Variants in MAP3K13 observed in about 807,000 individuals in gnomAD.
The protein encoded by MAP3K13 is mitogen-activated protein kinase kinase kinase 13.
A neutral mutation model predicts 104.0 loss-of-function variants in MAP3K13; 52 were observed. The ratio of observed to expected loss-of-function variants is 0.50; its 90% CI spans 0.40 to 0.63. The LOEUF (loss-of-function observed/expected upper bound fraction) is 0.63. Ranked by LOEUF, MAP3K13 falls within the 20% of genes least tolerant of loss-of-function variation. The pLI is 0.00. For synonymous variants in MAP3K13, 394 were observed against 442.2 expected, an observed-to-expected ratio of 0.89 and a Z score of 1.37; for missense variants, 914 against 1,218.5, an observed-to-expected ratio of 0.75 and a Z score of 3.72.
chr3:185,357,306 C>T (rs796434740), intron 2 of MAP3K13, among the ~76,000 whole-genome samples: 22 of 151,568 alleles, frequency 1.5e-4, no homozygotes, highest in African/African-American at 5.1e-4. Flanking sequence ...AAATTAGCTG[C>T]ATGTGGTGGC....
At chr3:185,326,957 T>C (rs182148497) in intron 2 of MAP3K13, among the ~76,000 whole-genome samples, 7 of 152,326 alleles carry the variant, frequency 4.6e-5, no homozygotes, top group Admixed American at 2.6e-4. Flanking sequence ...GAGCTTGAAA[T>C]TAAAGTACCT....
chr3:185,472,879 T>C (rs1251282518), intron 10 of MAP3K13, 96 bp from the exon 11 acceptor site: 5 of 1,154,490 alleles, frequency 4.3e-6, no homozygotes, highest in Non-Finnish European at 6.3e-6. Context: ...TGACTGCTGA[T>C]TCAAAGGCTC....
At chr3:185,302,008 G>A (rs1338120743) in intron 2 of MAP3K13, among the ~76,000 whole-genome samples, 2 of 151,962 alleles carry the variant, frequency 1.3e-5, no homozygotes, top group Non-Finnish European at 2.9e-5. Flanking sequence ...CAAAAATGTT[G>A]TTAGGATTTT....
chr3:185,454,441 GAT>G (rs1226071223), intron 7 of MAP3K13, among the ~76,000 whole-genome samples: 609 of 58,562 alleles, frequency 0.01, 47 homozygotes, highest in African/African-American at 0.035. Context: ...ATATATATGA[GAT>G]ATATATATGA....
At position 185,366,932 on chromosome 3, in the gene MAP3K13, T is replaced by C. The variant is rs559240098; in HGVS notation, c.-86+3564T>C. Among the ~76,000 whole-genome samples the C allele has an allele frequency of 3.6e-3, 551 of 152,342 alleles. 2 individuals carry two copies. Among genetic ancestry groups the C allele is most frequent in the Non-Finnish European group, 6.0e-3 (408 of 68,026 alleles). On this transcript the variant is annotated intron_variant, in intron 1 of 13. Coordinates refer to ENST00000265026, the MANE Select transcript of MAP3K13 (RefSeq NM_004721.5). ...GTTTATGGTATAAAAATTTTTAATT[T>C]TGATGAAGTTCAGTTTTATTTTCTT...
chr3:185,488,237 G>A lies in MAP3K13; in HGVS notation c.*5781G>A, dbSNP rs1718814201. The A allele has an allele frequency of 6.6e-6, 1 of 152,182 alleles. No homozygotes were observed. Among genetic ancestry groups the A allele is most frequent in the Non-Finnish European group, 1.5e-5 (1 of 68,038 alleles). 9.4% of individuals were successfully genotyped at this position (152,182 alleles called of 1,614,324 possible). A position where few individuals can be genotyped will look rare whatever the true frequency, so the allele number is the denominator to read the frequency against. ...GACTTGTACGGTCAGTATGAATTTA[G>A]TGCCTTTCCAGGCAGCAAAATGTTT... On this transcript the variant is annotated 3_prime_UTR_variant, in exon 14 of 14. Coordinates refer to ENST00000265026, the MANE Select transcript of MAP3K13 (RefSeq NM_004721.5).
intron 10 of MAP3K13, among the ~76,000 whole-genome samples, chr3:185,471,064 A>G (rs528348607): frequency 6.6e-6 from 1 of 152,314 alleles, no homozygotes; most frequent in South Asian, 2.1e-4. Flanking sequence ...GTGGATGCTT[A>G]ATGATCTCCC....
Position 185,292,911 on chromosome 3 carries a change from T to C in MAP3K13, c.-86+7268T>C, listed in dbSNP as rs575365154. ...ATATTAGTGATTTGTGAAACTTTTT[T>C]ACTAAAATGTGACCCTCATTTTTCT... On this transcript the variant is annotated intron_variant, in intron 2 of 14. Transcript: ENST00000424227. 4.9e-5 allele frequency: 48 copies of C among 984,202 alleles called. No individual in the cohort carries two copies. The South Asian group carries it at 1.2e-3, about 25-fold the overall frequency. 61.0% of individuals were successfully genotyped at this position (984,202 alleles called of 1,614,324 possible).
intron 2 of MAP3K13, among the ~76,000 whole-genome samples, chr3:185,314,275 A>C (rs1246525023): frequency 6.6e-6 from 1 of 152,246 alleles, no homozygotes; most frequent in Non-Finnish European, 1.5e-5. Flanking sequence ...ACCGCAATAC[A>C]TGAAATATGT....
intron 1 of MAP3K13, among the ~76,000 whole-genome samples, chr3:185,388,499 C>T (rs987353017): frequency 6.6e-6 from 1 of 151,348 alleles, no homozygotes; most frequent in East Asian, 1.9e-4. Context: ...GAGACCCTGG[C>T]TCAAAAAAAG....
At chr3:185,405,956 A>C (rs537508861) in intron 1 of MAP3K13, among the ~76,000 whole-genome samples, 1 of 152,354 alleles carries the variant, frequency 6.6e-6, no homozygotes, top group Admixed American at 6.5e-5. Flanking sequence ...TCTAAAGTGA[A>C]ACAGCTAGTT....
At chr3:185,470,178 A>T (rs1480044256) in intron 10 of MAP3K13, among the ~76,000 whole-genome samples, 1 of 152,196 alleles carries the variant, frequency 6.6e-6, no homozygotes, top group Non-Finnish European at 1.5e-5. Context: ...AAAACAAAAA[A>T]GTCTGGGCCC....
intron 2 of MAP3K13, among the ~76,000 whole-genome samples, chr3:185,320,142 G>A (rs1721806540): frequency 6.7e-6 from 1 of 149,884 alleles, no homozygotes; most frequent in Non-Finnish European, 1.5e-5. Flanking sequence ...GTGGAGTGGT[G>A]CGATCTCAGC....
intron 1 of MAP3K13, chr3:185,417,720 C>T: frequency 1.2e-6 from 2 of 1,612,098 alleles, no homozygotes; most frequent in South Asian, 2.2e-5. Context: ...CAGCAGCTGC[C>T]TTATCCACCC....
chr3:185,291,797 T>A, intron 2 of MAP3K13: 1 of 1,360,472 alleles, frequency 7.4e-7, no homozygotes, highest in Non-Finnish European at 9.4e-7. Context: ...ATTAATACAT[T>A]CCATTTTATA....
intron 2 of MAP3K13, among the ~76,000 whole-genome samples, chr3:185,344,494 C>T (rs191966323): frequency 1.1e-4 from 16 of 152,318 alleles, no homozygotes; most frequent in Admixed American, 6.5e-4. Context: ...CTGCTATACA[C>T]TATACATGGC....
intron 8 of MAP3K13, among the ~76,000 whole-genome samples, chr3:185,465,305 G>A (rs766191214): frequency 6.6e-6 from 1 of 152,128 alleles, no homozygotes; most frequent in Non-Finnish European, 1.5e-5. Context: ...ATCATCTTGG[G>A]TGTTAGGTTT....
At chr3:185,421,635 C>T (rs2108796303) in intron 1 of MAP3K13, among the ~76,000 whole-genome samples, 1 of 152,266 alleles carries the variant, frequency 6.6e-6, no homozygotes, top group East Asian at 1.9e-4. Flanking sequence ...CTAATTTATA[C>T]TAGTTTTGAT....
At chr3:185,472,347 G>A (rs1036934629) in intron 10 of MAP3K13, among the ~76,000 whole-genome samples, 12 of 151,630 alleles carry the variant, frequency 7.9e-5, no homozygotes, top group Admixed American at 5.9e-4. Flanking sequence ...TGAGTAGCTG[G>A]GACTACAGGC....
Sources: allele counts gnomAD v4.1 joint callset (sites outside exome capture counted in the v4.1 genomes callset), GRCh38; gene constraint gnomAD v4.1.1; transcripts MANE v1.5; gene names NCBI Gene and HGNC (gene_info 2026-07-23, HGNC 2026-07-21).